Variants in SAMD3 observed in about 807,000 individuals in gnomAD.
SAMD3 encodes the protein sterile alpha motif domain containing 3.
In SAMD3, 63 loss-of-function variants were observed where a neutral mutation model predicts 58.5. That is an observed-to-expected ratio of 1.08 (90% CI 0.88 to 1.33). SAMD3 has a LOEUF of 1.33. Ranked by LOEUF, SAMD3 falls within the 40% of genes most tolerant of loss-of-function variation. The probability of loss-of-function intolerance (pLI) is 0.00; values close to 1 mark genes in which losing one functional copy is unlikely to be tolerated. For synonymous variants in SAMD3, 220 were observed against 210.3 expected, an observed-to-expected ratio of 1.05 and a Z score of -0.40; for missense variants, 604 against 608.4, an observed-to-expected ratio of 0.99 and a Z score of 0.08.
intron 2 of SAMD3, among the ~76,000 whole-genome samples, chr6:130,230,199 T>C (rs1224217623): frequency 2.0e-5 from 3 of 152,118 alleles, no homozygotes; most frequent in Non-Finnish European, 4.4e-5. Context: ...CGGTATTATG[T>C]TGGAACTCTT....
At chr6:130,215,968 CA>C in intron 2 of SAMD3, 1 of 723,510 alleles carries the variant, frequency 1.4e-6, no homozygotes, top group Non-Finnish European at 2.2e-6. Context: ...CTTTTTTGGA[CA>C]CTGTTATGAT....
At chr6:130,292,785 A>T (rs1028560584) in intron 2 of SAMD3, among the ~76,000 whole-genome samples, 3 of 151,268 alleles carry the variant, frequency 2.0e-5, no homozygotes, top group Admixed American at 6.6e-5. Flanking sequence ...CGCCCGGCTA[A>T]TTTTTTGTAT....
intron 1 of SAMD3, among the ~76,000 whole-genome samples, chr6:130,344,578 C>G (rs60437430): frequency 6.6e-6 from 1 of 152,078 alleles, no homozygotes; most frequent in East Asian, 1.9e-4. Context: ...GATGGGGATT[C>G]GCCATGTTGG....
chr6:130,144,735 A>G lies in SAMD3; in HGVS notation c.1348T>C (p.Tyr450His), dbSNP rs1582695911. Residue 450 changes from tyrosine to histidine, a missense_variant, in exon 12 of 12, where the codon TAT becomes CAT. Coordinates refer to ENST00000439090, the MANE Select transcript of SAMD3 (RefSeq NM_001017373.4). ...FNMEVCEFSL[Y>H]LERERLTKVD... The stretch of plus-strand genomic sequence containing the variant: ...TTTGTGAGCCTCTCCCTTTCTAAAT[A>G]TAAAGAAAATTCGCAGACCTCCATG... 1 of 1,614,072 alleles carries G rather than the reference A, an allele frequency of 6.2e-7. No individual in the cohort carries two copies. Among genetic ancestry groups the G allele is most frequent in the South Asian group, 1.1e-5 (1 of 91,046 alleles).
chr6:130,155,902 G>T (rs1194744968), intron 8 of SAMD3, among the ~76,000 whole-genome samples: 1 of 152,046 alleles, frequency 6.6e-6, no homozygotes. Context: ...TTAAGAAGAA[G>T]TTCCTATAAT....
chr6:130,353,764 C>A (rs555620071), intron 1 of SAMD3, among the ~76,000 whole-genome samples: 1 of 152,088 alleles, frequency 6.6e-6, no homozygotes, highest in South Asian at 2.1e-4. Context: ...CCTAAAAATC[C>A]GAGACTCACA....
intron 5 of SAMD3, among the ~76,000 whole-genome samples, chr6:130,204,968 CTTG>C (rs1366135071): frequency 6.6e-6 from 1 of 152,020 alleles, no homozygotes; most frequent in Non-Finnish European, 1.5e-5. Context: ...TCAGAGACCA[CTTG>C]TTGGGCAAGT....
chr6:130,211,275 A>ATTTTTTTTTTTTTTTTT (rs1562452834), intron 4 of SAMD3, among the ~76,000 whole-genome samples: 2 of 134,314 alleles, frequency 1.5e-5, no homozygotes, highest in African/African-American at 2.8e-5. Context: ...TGCCAATCAG[A>ATTTTTTTTTTTTTTTTT]ATTTTTTTTT....
chr6:130,349,624 C>A (rs545268914), intron 1 of SAMD3, among the ~76,000 whole-genome samples: 4 of 152,130 alleles, frequency 2.6e-5, no homozygotes, highest in Non-Finnish European at 4.4e-5. Flanking sequence ...GATTCACAGC[C>A]AAATTCTACC....
intron 1 of SAMD3, among the ~76,000 whole-genome samples, chr6:130,219,244 C>T (rs148559710): frequency 1.2e-3 from 181 of 152,238 alleles, no homozygotes; most frequent in African/African-American, 4.1e-3. Context: ...AGACAGCAAA[C>T]AGGTGAAACA....
intron 1 of SAMD3, among the ~76,000 whole-genome samples, chr6:130,363,840 G>T (rs1394271771): frequency 2.0e-5 from 3 of 152,138 alleles, no homozygotes; most frequent in Non-Finnish European, 2.9e-5. Context: ...CTACTTGATG[G>T]CGAGAAGTAG....
Position 130,146,108 on chromosome 6 carries a change from G to T in SAMD3, c.1097C>A (p.Ser366Ter). ...TGAAAAAGAAGTCAGTATATTTTCT[G>T]AATAGGATTCCAAAATGTGCCTTGT... is the stretch of plus-strand genomic sequence containing the variant. ...KKTRHILESY[S>*]ENILTSFSVV... Residue 366 changes from serine to a stop codon, truncating the protein, a stop_gained, in exon 10 of 12, where the codon TCA (serine) becomes TAA (stop). Coordinates refer to ENST00000439090, the MANE Select transcript of SAMD3 (RefSeq NM_001017373.4). LOFTEE classifies it high-confidence loss of function. 1 of 1,601,304 alleles carries T rather than the reference G, an allele frequency of 6.2e-7. No individual in the cohort carries two copies. The highest frequency in any genetic ancestry group is 8.5e-7 in the Non-Finnish European group (1 of 1,173,340).
intron 2 of SAMD3, among the ~76,000 whole-genome samples, chr6:130,265,183 C>A (rs964041169): frequency 1.3e-5 from 2 of 152,220 alleles, no homozygotes; most frequent in Non-Finnish European, 2.9e-5. Context: ...CTAAACCCCG[C>A]CACCTTGCTC....
intron 2 of SAMD3, chr6:130,215,787 A>C (rs1280658040): frequency 2.0e-6 from 3 of 1,532,678 alleles, no homozygotes; most frequent in Non-Finnish European, 2.6e-6. Flanking sequence ...CCCTTAGTAG[A>C]CTGGTTAACC....
chr6:130,277,703 G>A (rs1774827900), intron 2 of SAMD3, among the ~76,000 whole-genome samples: 1 of 152,108 alleles, frequency 6.6e-6, no homozygotes, highest in Non-Finnish European at 1.5e-5. Flanking sequence ...CACAGGCTTG[G>A]TTTATAATGT....
chr6:130,339,071 G>C (rs1777186488), intron 1 of SAMD3, among the ~76,000 whole-genome samples: 1 of 151,996 alleles, frequency 6.6e-6, no homozygotes, highest in Non-Finnish European at 1.5e-5. Flanking sequence ...TTTTGAGATG[G>C]AGTCTCCCTT....
chr6:130,187,270 C>T (rs960877920), intron 5 of SAMD3, among the ~76,000 whole-genome samples: 2 of 151,998 alleles, frequency 1.3e-5, no homozygotes, highest in African/African-American at 4.8e-5. Context: ...AAATAAAGCT[C>T]GTTACACTGT....
intron 1 of SAMD3, among the ~76,000 whole-genome samples, chr6:130,364,855 A>G (rs1778088011): frequency 6.6e-6 from 1 of 151,434 alleles, no homozygotes; most frequent in South Asian, 2.1e-4. Flanking sequence ...TTTTTTTTCT[A>G]ATGTGGAAAT....
In SAMD3 at chr6:130,280,119, T is replaced by C. The variant is rs184975059; in HGVS notation, c.-188+32859A>G. Among the ~76,000 whole-genome samples the C allele has an allele frequency of 2.5e-4, 38 of 152,320 alleles. 1 individual carries two copies. In the East Asian group the frequency reaches 7.1e-3, roughly 29 times the overall value. On this transcript the variant is annotated intron_variant, in intron 2 of 13. Coordinates refer to the SAMD3 transcript ENST00000368134. Reference sequence around the variant, plus strand: ...CCAAACTCAAATGTTTTCTGTTGTGTTGTTTTTCACTAGCTACTTCTACTT... The same window carrying C: ...CCAAACTCAAATGTTTTCTGTTGTGCTGTTTTTCACTAGCTACTTCTACTT...
Sources: allele counts gnomAD v4.1 joint callset (sites outside exome capture counted in the v4.1 genomes callset), GRCh38; gene constraint gnomAD v4.1.1; transcripts MANE v1.5; gene names NCBI Gene and HGNC (gene_info 2026-07-23, HGNC 2026-07-21).